The following MRI1 variants were observed in gnomAD, a reference collection of about 807,000 sequenced individuals.
MRI1 encodes the protein methylthioribose-1-phosphate isomerase 1, also known as methylthioribose-1-phosphate isomerase.
Under a neutral mutation model 27.3 loss-of-function variants are expected in MRI1, and 32 were observed. The observed-to-expected ratio is 1.17, with a 90% confidence interval of 0.88 to 1.57. The LOEUF is 1.57. MRI1 is among the 40% of genes most tolerant of loss of function. The pLI is 0.00. For synonymous variants in MRI1, 216 were observed against 227.4 expected, an observed-to-expected ratio of 0.95 and a Z score of 0.45; for missense variants, 508 against 516.1, an observed-to-expected ratio of 0.98 and a Z score of 0.15.
intron 3 of MRI1, among the ~76,000 whole-genome samples, chr19:13,766,847 C>T (rs1244120083): frequency 1.3e-5 from 2 of 151,410 alleles, no homozygotes; most frequent in African/African-American, 4.8e-5. Flanking sequence ...TCAGGGGTCC[C>T]AGGGAAGCAG....
Position 13,774,013 on chromosome 19 carries a change from C to A in MRI1, c.*1732C>A, listed in dbSNP as rs1974328180. On this transcript the variant is annotated 3_prime_UTR_variant, in exon 6 of 6. Coordinates refer to ENST00000040663, the MANE Select transcript of MRI1 (RefSeq NM_001031727.4). ...TGCCTTGAGCTTACTGACCTCAACA[C>A]CCTGGTTCCACTAAAACTTTATTTA... is the stretch of plus-strand genomic sequence containing the variant. The A allele has an allele frequency of 6.3e-6, 1 of 159,398 alleles. No individual in the cohort carries two copies. Among genetic ancestry groups the A allele is most frequent in the Admixed American group, 5.9e-5 (1 of 16,820 alleles). The allele number at this position is 159,398 out of a possible 1,614,324, so 9.9% of individuals were successfully genotyped here. A position where few individuals can be genotyped will look rare whatever the true frequency, so the allele number is the denominator to read the frequency against.
chr19:13,768,506 C>A, intron 3 of MRI1, 55 bp from the exon 4 acceptor site: 2 of 1,593,520 alleles, frequency 1.3e-6, no homozygotes, highest in Non-Finnish European at 1.7e-6. Flanking sequence ...CAATGGACCA[C>A]CCTGTCTGTT....
chr19:13,772,297 C>T lies in MRI1; in HGVS notation c.*16C>T. ...CCAGATGTAACCAACTCAGCTCTCC[C>T]TAGCCTGCCTCTCTAGGTTTTTCAA... On this transcript the variant is annotated 3_prime_UTR_variant, in exon 6 of 6. Transcript: ENST00000040663. 1 of 1,603,092 alleles carries T rather than the reference C, an allele frequency of 6.2e-7. No individual in the cohort carries two copies. The highest frequency in any genetic ancestry group is 1.7e-4 in the Middle Eastern group (1 of 5,994).
At chr19:13,767,285 G>A (rs190043043) in intron 3 of MRI1, among the ~76,000 whole-genome samples, 118 of 151,820 alleles carry the variant, frequency 7.8e-4, no homozygotes, top group Middle Eastern at 3.4e-3. Flanking sequence ...GACCTTAGGC[G>A]GTCCGCCAGC....
chr19:13,772,099 G>C (rs1398654671), intron 5 of MRI1, 22 bp from the exon 6 acceptor site: 1 of 1,581,612 alleles, frequency 6.3e-7, no homozygotes, highest in Non-Finnish European at 8.6e-7. Context: ...TTGCCTCCTT[G>C]CCTCCCCTCT....
chr19:13,766,021 G>C lies in MRI1; in HGVS notation c.439G>C (p.Gly147Arg), dbSNP rs1568307354. ...LRDNRSIGDL[G>R]ARHLLERVAP... ...AGACAACCGAAGCATTGGGGACCTA[G>C]GAGCCCGCCACCTCCTGGAGCGGGT... The change falls in exon 3 of 6, where the codon GGA becomes CGA. Residue 147 changes from glycine to arginine, a missense_variant. Coordinates refer to ENST00000040663, the MANE Select transcript of MRI1 (RefSeq NM_001031727.4). The C allele has an allele frequency of 5.0e-6, 8 of 1,613,342 alleles. No homozygotes were observed. The highest frequency in any genetic ancestry group is 6.8e-6 in the Non-Finnish European group (8 of 1,179,858).
rs1170108927 is a variant in MRI1 at position 13,767,861 on chromosome 19, C to CTTTT, written c.548-678_548-675dup. 2.7e-3 allele frequency among the ~76,000 whole-genome samples: 165 copies of CTTTT among 61,076 alleles called. 11 individuals carry two copies. The highest frequency in any genetic ancestry group is 0.017 in the Middle Eastern group (1 of 58). 40.1% of individuals were successfully genotyped at this position (61,076 alleles called of 152,430 possible). A position where few individuals can be genotyped will look rare whatever the true frequency, so the allele number is the denominator to read the frequency against. On this transcript the variant is annotated intron_variant, in intron 3 of 5. Transcript: ENST00000040663. ...TCTTTTCAAGTATTTTCTTTCTTTC[C>CTTTT]TTTTTTTTTTTTTTTTTTTTTTTTT...
Position 13,768,627 on chromosome 19 carries a change from A to G in MRI1, c.614A>G (p.Tyr205Cys). 1 of 1,613,506 alleles carries G rather than the reference A, an allele frequency of 6.2e-7. No homozygotes were observed. Among genetic ancestry groups the G allele is most frequent in the South Asian group, 1.1e-5 (1 of 91,060 alleles). ...EHAFCTETRP[Y>C]NQGARLTAFE... ...GCCTTCTGCACAGAGACCCGGCCCT[A>G]CAACCAGGGAGCCCGGCTGACGGCC... Residue 205 changes from tyrosine to cysteine, a missense_variant, in exon 4 of 6, where the codon TAC (tyrosine) becomes TGC (cysteine). By Grantham distance (194) the Tyr-to-Cys change is radical. Transcript: ENST00000040663.
At chr19:13,765,341 C>G (rs571654654) in intron 2 of MRI1, among the ~76,000 whole-genome samples, 5 of 152,292 alleles carry the variant, frequency 3.3e-5, no homozygotes, top group African/African-American at 1.2e-4. Context: ...AACCTAACTC[C>G]TTAATCGTGC....
chr19:13,770,275 A>C (rs1381243034), intron 5 of MRI1, among the ~76,000 whole-genome samples: 1 of 152,226 alleles, frequency 6.6e-6, no homozygotes. Context: ...CATTTAGATC[A>C]ATGACTGGCC....
Position 13,768,668 on chromosome 19 carries a change from G to GT in MRI1, c.655_656insT (p.Glu219ValfsTer20). The GT allele has an allele frequency of 6.2e-7, 1 of 1,613,978 alleles. No homozygotes were observed. The highest frequency in any genetic ancestry group is 1.1e-5 in the South Asian group (1 of 91,078). On this transcript the variant is annotated frameshift_variant, in exon 4 of 6. Coordinates refer to ENST00000040663, the MANE Select transcript of MRI1 (RefSeq NM_001031727.4). LOFTEE classifies it high-confidence loss of function. Reference sequence around the variant, plus strand: ...GCTGACGGCCTTTGAGCTGGTCTATGAGCAGATCCCCGCCACCCTTATCAC... The same window carrying GT: ...GCTGACGGCCTTTGAGCTGGTCTATGTAGCAGATCCCCGCCACCCTTATCAC...
rs377578606 is a variant in MRI1, at chr19:13,772,688, TGTG to T, written c.*415_*417del. The T allele has an allele frequency of 2.8e-3, 429 of 153,128 alleles. No homozygotes were observed. Among genetic ancestry groups the T allele is most frequent in the African/African-American group, 1.0e-2 (412 of 41,342 alleles). 9.5% of individuals were successfully genotyped at this position (153,128 alleles called of 1,614,324 possible). On this transcript the variant is annotated 3_prime_UTR_variant, in exon 6 of 6. Transcript: ENST00000040663. ...CTAAAAATACAAAAAATTAGCCGGG[TGTG>T]GTGGTGGGCACCTGCAGTCCCAGCT...
chr19:13,768,285 C>G, intron 3 of MRI1: 1 of 784,196 alleles, frequency 1.3e-6, no homozygotes, highest in East Asian at 2.7e-5. Flanking sequence ...GAGCAGGAAA[C>G]TGAAAGTGTG....
rs776831613 is a variant in MRI1, at chr19:13,766,029, C to T, written c.447C>T (p.Arg149=). The T allele has an allele frequency of 1.2e-6, 2 of 1,613,270 alleles. No individual in the cohort carries two copies. The highest frequency in any genetic ancestry group is 1.7e-6 in the Non-Finnish European group (2 of 1,179,854). The change falls in exon 3 of 6, where the codon CGC becomes CGT. Residue 149 remains arginine, a synonymous_variant. Coordinates refer to ENST00000040663, the MANE Select transcript of MRI1 (RefSeq NM_001031727.4). ...DNRSIGDLGA[R]HLLERVAPSG... ...GAAGCATTGGGGACCTAGGAGCCCG[C>T]CACCTCCTGGAGCGGGTGGCCCCCA...
chr19:13,765,151 A>T, intron 2 of MRI1, 42 bp downstream of exon 2: 2 of 1,431,068 alleles, frequency 1.4e-6, no homozygotes, highest in Non-Finnish European at 1.9e-6. Flanking sequence ...AGCAGGAATT[A>T]TATTGACTCT....
intron 5 of MRI1, among the ~76,000 whole-genome samples, chr19:13,770,226 G>T (rs935901828): frequency 6.6e-6 from 1 of 152,178 alleles, no homozygotes; most frequent in Non-Finnish European, 1.5e-5. Flanking sequence ...AGAACCTGCT[G>T]CATAAACCCA....
Position 13,768,937 on chromosome 19 carries a change from G to T in MRI1, c.838G>T (p.Ala280Ser). 1.2e-6 allele frequency: 2 copies of T among 1,614,150 alleles called. No individual in the cohort carries two copies. Among genetic ancestry groups the T allele is most frequent in the Non-Finnish European group, 1.7e-6 (2 of 1,180,020 alleles). ...KHHGIPFYVA[A>S]PSSSCDLRLE... ...CCATGGCATTCCCTTCTACGTGGCT[G>T]CCCCCAGCTCTTCATGTGACCTCCG... Residue 280 changes from alanine to serine, a missense_variant, in exon 5 of 6, where the codon GCC becomes TCC. This residue lies in a region of MRI1 where 457 missense variants were observed against 452.8 expected (regional missense o/e 1.01). Coordinates refer to ENST00000040663, the MANE Select transcript of MRI1 (RefSeq NM_001031727.4).
rs1371405013 is a variant in MRI1 at position 13,772,197 on chromosome 19, G to A, written c.1026G>A (p.Gly342=). The A allele has an allele frequency of 6.2e-7, 1 of 1,613,980 alleles. No individual in the cohort carries two copies. The highest frequency in any genetic ancestry group is 1.1e-5 in the South Asian group (1 of 91,058). Residue 342 remains glycine, a synonymous_variant, in exon 6 of 6, where the codon GGG becomes GGA. Transcript: ENST00000040663. ...LITGGIITEL[G]VFAPEELRTA... is the part of the protein sequence containing the mutation. ...CTGGTGGCATCATCACAGAACTGGG[G>A]GTCTTTGCCCCTGAGGAGCTCCGGA...
At chr19:13,766,386 G>T (rs1445469865) in intron 3 of MRI1, among the ~76,000 whole-genome samples, 4 of 152,162 alleles carry the variant, frequency 2.6e-5, no homozygotes, top group Non-Finnish European at 5.9e-5. Flanking sequence ...GCAGGCGGCT[G>T]TTAGGGTCCA....
Sources: gnomAD v4.1 joint callset for allele counts (sites outside exome capture counted in the v4.1 genomes callset) on GRCh38, gnomAD v4.1.1 for gene constraint, gnomAD v4.1.1 regional missense constraint, MANE v1.5 for transcripts, NCBI Gene and HGNC (gene_info 2026-07-23, HGNC 2026-07-21) for gene names.